The following KCND2 variants were observed in gnomAD, a reference collection of about 807,000 sequenced individuals.
KCND2 encodes A-type voltage-gated potassium channel KCND2.
In KCND2, 16 loss-of-function variants were observed where a neutral mutation model predicts 54.4. That is an observed-to-expected ratio of 0.29 (90% CI 0.20 to 0.45). The LOEUF (loss-of-function observed/expected upper bound fraction) is 0.45, where lower values mean the gene tolerates loss of function less well. Among genes scored for constraint, KCND2 ranks in the 20% least tolerant of loss-of-function variants. The pLI is 1.00. For synonymous variants in KCND2, 317 were observed against 310.7 expected (o/e 1.02, Z -0.21); for missense variants, 486 against 824.2 (o/e 0.59, Z 5.02).
At chr7:120,337,563 A>G (rs1800169828) in intron 1 of KCND2, among the ~76,000 whole-genome samples, 1 of 152,206 alleles carries the variant, frequency 6.6e-6, no homozygotes, top group Non-Finnish European at 1.5e-5. Context: ...AGGAGATTGT[A>G]ATAGACTACA....
intron 1 of KCND2, among the ~76,000 whole-genome samples, chr7:120,348,721 A>G (rs1403502750): frequency 6.6e-6 from 1 of 152,228 alleles, no homozygotes; most frequent in Non-Finnish European, 1.5e-5. Flanking sequence ...ACTGTAAGAT[A>G]GGCTGCTGCA....
Position 120,747,950 on chromosome 7 carries a change from A to G in KCND2, c.*92A>G. 1 of 1,024,938 alleles carries G rather than the reference A, an allele frequency of 9.8e-7. No homozygotes were observed. The highest frequency in any genetic ancestry group is 1.5e-6 in the Non-Finnish European group (1 of 676,508). The allele number at this position is 1,024,938 out of a possible 1,614,324, so 63.5% of individuals were successfully genotyped here. A position where few individuals can be genotyped will look rare whatever the true frequency, so the allele number is the denominator to read the frequency against. On this transcript the variant is annotated 3_prime_UTR_variant, in exon 6 of 6. Coordinates refer to ENST00000331113, the MANE Select transcript of KCND2 (RefSeq NM_012281.3). ...AGAAGAAACAATAAATATTCTGCAGATTAATGCAGCAAAGAAAGAAGGTTG... is the reference window on the plus strand; with the variant it reads ...AGAAGAAACAATAAATATTCTGCAGGTTAATGCAGCAAAGAAAGAAGGTTG...
intron 1 of KCND2, among the ~76,000 whole-genome samples, chr7:120,701,023 G>A (rs184086393): frequency 1.3e-3 from 204 of 152,154 alleles, no homozygotes; most frequent in African/African-American, 4.7e-3. Context: ...ACTGGTACTC[G>A]TGGGTGAAGT....
chr7:120,462,588 A>AT (rs1802299079), intron 1 of KCND2, among the ~76,000 whole-genome samples: 1 of 152,020 alleles, frequency 6.6e-6, no homozygotes, highest in Admixed American at 6.6e-5. Context: ...CTTTAAAATG[A>AT]TTTTTAAAGT....
chr7:120,505,543 G>T (rs1412086584), intron 1 of KCND2, among the ~76,000 whole-genome samples: 1 of 151,790 alleles, frequency 6.6e-6, no homozygotes, highest in Non-Finnish European at 1.5e-5. Context: ...CTGTGTATTT[G>T]TGTTTGCTCA....
chr7:120,427,545 A>G (rs1430264989), intron 1 of KCND2, among the ~76,000 whole-genome samples: 2 of 152,234 alleles, frequency 1.3e-5, no homozygotes, highest in African/African-American at 2.4e-5. Flanking sequence ...TAACAGTGCC[A>G]AAGCTCTGGT....
chr7:120,511,556 A>T (rs1803115648), intron 1 of KCND2, among the ~76,000 whole-genome samples: 1 of 152,096 alleles, frequency 6.6e-6, no homozygotes, highest in Admixed American at 6.6e-5. Context: ...TTCTTTGGTG[A>T]TGTATACATC....
At chr7:120,620,020 G>A (rs955414043) in intron 1 of KCND2, among the ~76,000 whole-genome samples, 5 of 152,114 alleles carry the variant, frequency 3.3e-5, no homozygotes, top group African/African-American at 9.7e-5. Context: ...TATGTACGCT[G>A]TATTTAAAAT....
At chr7:120,622,709 TCTCTCTCA>T (rs1196518504) in intron 1 of KCND2, among the ~76,000 whole-genome samples, 252 of 146,224 alleles carry the variant, frequency 1.7e-3, no homozygotes, top group African/African-American at 4.9e-3. Context: ...TCTCTCTCTC[TCTCTCTCA>T]CACACACACA....
At chr7:120,709,080 C>T (rs1792506544) in intron 1 of KCND2, among the ~76,000 whole-genome samples, 1 of 152,112 alleles carries the variant, frequency 6.6e-6, no homozygotes, top group African/African-American at 2.4e-5. Flanking sequence ...GCTACCAAGG[C>T]TGCATAATTT....
chr7:120,584,873 A>G (rs1356724134), intron 1 of KCND2, among the ~76,000 whole-genome samples: 1 of 152,254 alleles, frequency 6.6e-6, no homozygotes, highest in Non-Finnish European at 1.5e-5. Context: ...TACCTTATTA[A>G]TTATCATGAT....
rs112482415 is a variant in KCND2 at position 120,731,051 on chromosome 7, G to A, written c.1116-1852G>A. On this transcript the variant is annotated intron_variant, in intron 1 of 5. Transcript: ENST00000331113. ...AGCTCAGACACAGCTGGGTAACTTC[G>A]GCAATAGTAAGATGGAAAGAACTCC... 6.2e-3 allele frequency among the ~76,000 whole-genome samples: 937 copies of A among 152,128 alleles called. 8 individuals carry two copies. Among genetic ancestry groups the A allele is most frequent in the African/African-American group, 0.021 (871 of 41,510 alleles).
intron 1 of KCND2, among the ~76,000 whole-genome samples, chr7:120,698,683 G>C (rs1180117308): frequency 6.6e-6 from 1 of 152,152 alleles, no homozygotes; most frequent in Non-Finnish European, 1.5e-5. Flanking sequence ...GTCATTAATT[G>C]AGCAGATTAG....
At chr7:120,746,093 C>T (rs1196236356) in intron 5 of KCND2, 66 bp downstream of exon 5, 12 of 1,558,488 alleles carry the variant, frequency 7.7e-6, no homozygotes, top group African/African-American at 2.7e-5. Flanking sequence ...CTTCTGCACT[C>T]ATGTTGTCAC....
At chr7:120,452,466 G>A (rs150039813) in intron 1 of KCND2, among the ~76,000 whole-genome samples, 26 of 152,258 alleles carry the variant, frequency 1.7e-4, no homozygotes, top group Non-Finnish European at 3.4e-4. Flanking sequence ...TCTTCAGAGG[G>A]AAGGCACTGG....
intron 1 of KCND2, among the ~76,000 whole-genome samples, chr7:120,452,721 C>T (rs944123113): frequency 6.6e-6 from 1 of 152,202 alleles, no homozygotes; most frequent in African/African-American, 2.4e-5. Flanking sequence ...GTGCTGAGAG[C>T]AGGCTCCAGC....
At chr7:120,674,798 A>G (rs1792038118) in intron 1 of KCND2, among the ~76,000 whole-genome samples, 1 of 152,214 alleles carries the variant, frequency 6.6e-6, no homozygotes, top group African/African-American at 2.4e-5. Flanking sequence ...GTATTGCTTT[A>G]TATTACTTAT....
intron 1 of KCND2, among the ~76,000 whole-genome samples, chr7:120,485,884 C>T (rs1025181425): frequency 6.6e-6 from 1 of 152,096 alleles, no homozygotes; most frequent in Non-Finnish European, 1.5e-5. Flanking sequence ...ATCACTAACA[C>T]CTGGAATACA....
At chr7:120,325,027 G>A (rs1799954019) in intron 1 of KCND2, among the ~76,000 whole-genome samples, 1 of 137,386 alleles carries the variant, frequency 7.3e-6, no homozygotes, top group South Asian at 2.6e-4. Flanking sequence ...TCCCTTGTAA[G>A]TTGGATTCCT....
Sources: gnomAD v4.1 joint callset for allele counts (sites outside exome capture counted in the v4.1 genomes callset) on GRCh38, gnomAD v4.1.1 for gene constraint, MANE v1.5 for transcripts, NCBI Gene and HGNC (gene_info 2026-07-23, HGNC 2026-07-21) for gene names.